Variants in PCDHGA5 observed in about 807,000 individuals in gnomAD.
PCDHGA5 encodes protocadherin gamma subfamily A, 5.
In PCDHGA5, 36 loss-of-function variants were observed where a neutral mutation model predicts 56.7. The observed-to-expected ratio is 0.64, with a 90% CI of 0.49 to 0.84. The LOEUF (loss-of-function observed/expected upper bound fraction) is 0.84, where lower values mean the gene tolerates loss of function less well. Ranked by LOEUF, PCDHGA5 falls within the 40% of genes least tolerant of loss-of-function variation. The probability of loss-of-function intolerance (pLI) is 0.00; values close to 1 mark genes in which losing one functional copy is unlikely to be tolerated. For synonymous variants in PCDHGA5, 563 were observed against 520.2 expected, an observed-to-expected ratio of 1.08 and a Z score of -1.12; for missense variants, 1,305 against 1,201.5, an observed-to-expected ratio of 1.09 and a Z score of -1.27.
chr5:141,450,278 G>C (rs977381598), intron 1 of PCDHGA5, among the ~76,000 whole-genome samples: 1 of 152,026 alleles, frequency 6.6e-6, no homozygotes, highest in African/African-American at 2.4e-5. Flanking sequence ...TCAGCTAAGT[G>C]CTGGGATTAC....
Position 141,511,656 on chromosome 5 carries a change from C to T in PCDHGA5, c.*483C>T, listed in dbSNP as rs2099883892. On this transcript the variant is annotated 3_prime_UTR_variant, in exon 4 of 4. Transcript: ENST00000518069. ...GGGCATCATGACCTCTTGGCCTCTC[C>T]TTTGATTCTCAATCTTCCCCCAAAG... is the stretch of plus-strand genomic sequence containing the variant. 4.9e-6 allele frequency: 1 copy of T among 206,024 alleles called. No individual in the cohort carries two copies. The highest frequency in any genetic ancestry group is 5.2e-5 in the Admixed American group (1 of 19,114). 12.8% of individuals were successfully genotyped at this position (206,024 alleles called of 1,614,324 possible).
At chr5:141,384,435 A>G in intron 1 of PCDHGA5, 1 of 1,614,008 alleles carries the variant, frequency 6.2e-7, no homozygotes, top group Non-Finnish European at 8.5e-7. Context: ...CTGACACTGG[A>G]GTCCTGTACG....
At chr5:141,380,946 C>A (rs555019785) in intron 1 of PCDHGA5, among the ~76,000 whole-genome samples, 2 of 152,328 alleles carry the variant, frequency 1.3e-5, no homozygotes, top group East Asian at 3.8e-4. Flanking sequence ...CTTGCCTCAA[C>A]AAGAAGTTCA....
At chr5:141,376,649 A>T in intron 1 of PCDHGA5, 1 of 978,990 alleles carries the variant, frequency 1.0e-6, no homozygotes, top group Non-Finnish European at 1.5e-6. Flanking sequence ...GTAAAGTGGA[A>T]GACTCCCTTG....
chr5:141,431,560 C>T lies in PCDHGA5; in HGVS notation c.2422-63247C>T, dbSNP rs751276470. On this transcript the variant is annotated intron_variant, in intron 1 of 3. Coordinates refer to ENST00000518069, the MANE Select transcript of PCDHGA5 (RefSeq NM_018918.3). This position sits in a 1 kb window ranked among gnomAD's most constrained non-coding sequence, Gnocchi z 4.8. ...CGCAGCTGCTTGTAGTCAACGCTAC[C>T]GACCCTGACGAAGGAGTCAATGCGG... The T allele has an allele frequency of 6.2e-7, 1 of 1,614,104 alleles. No individual in the cohort carries two copies. The highest frequency in any genetic ancestry group is 1.7e-5 in the Admixed American group (1 of 60,036).
At chr5:141,384,778 C>T (rs1206898496) in intron 1 of PCDHGA5, 6 of 1,613,608 alleles carry the variant, frequency 3.7e-6, no homozygotes, top group East Asian at 2.2e-5. Flanking sequence ...GGGCGAGGTG[C>T]GCACGGCTCG....
intron 1 of PCDHGA5, chr5:141,478,809 C>G: frequency 6.9e-7 from 1 of 1,453,454 alleles, no homozygotes; most frequent in Non-Finnish European, 9.0e-7. Flanking sequence ...CTTTTGCTAT[C>G]ACAACTAACC....
intron 1 of PCDHGA5, chr5:141,418,495 G>T (rs745982190): frequency 6.2e-7 from 1 of 1,613,974 alleles, no homozygotes; most frequent in South Asian, 1.1e-5. Context: ...ACTTGGTACT[G>T]ACCGCCTTAG....
At chr5:141,472,219 A>C (rs2099274667) in intron 1 of PCDHGA5, among the ~76,000 whole-genome samples, 1 of 152,210 alleles carries the variant, frequency 6.6e-6, no homozygotes, top group Non-Finnish European at 1.5e-5. Context: ...CTTACTCTCG[A>C]TCATATAATA....
chr5:141,410,239 T>C, intron 1 of PCDHGA5: 2 of 1,614,024 alleles, frequency 1.2e-6, no homozygotes, highest in Admixed American at 1.7e-5. Flanking sequence ...GCGACCGCCC[T>C]GTACTCTCTG....
intron 1 of PCDHGA5, among the ~76,000 whole-genome samples, chr5:141,397,541 C>G (rs1385892486): frequency 6.6e-6 from 1 of 152,014 alleles, no homozygotes; most frequent in Non-Finnish European, 1.5e-5. Context: ...TTTTTGAAAT[C>G]AGTATAGTAT....
intron 1 of PCDHGA5, among the ~76,000 whole-genome samples, chr5:141,467,702 C>T (rs2099149453): frequency 6.6e-6 from 1 of 152,086 alleles, no homozygotes; most frequent in South Asian, 2.1e-4. Context: ...GGCTCTGTTG[C>T]CCAGGCTGGA....
chr5:141,488,915 G>A (rs942297924), intron 1 of PCDHGA5, among the ~76,000 whole-genome samples: 12 of 152,180 alleles, frequency 7.9e-5, no homozygotes, highest in Non-Finnish European at 2.9e-5. Flanking sequence ...TGTTCCCAAG[G>A]TTTCCAGGAT....
Position 141,485,220 on chromosome 5 carries a change from C to T in PCDHGA5, c.2422-9587C>T. The T allele has an allele frequency of 6.2e-7, 1 of 1,614,192 alleles. No homozygotes were observed. The highest frequency in any genetic ancestry group is 8.5e-7 in the Non-Finnish European group (1 of 1,180,024). On this transcript the variant is annotated intron_variant, in intron 1 of 3. Transcript: ENST00000518069. This position sits in a 1 kb window ranked among gnomAD's most constrained non-coding sequence, Gnocchi z 5.7. ...TGGACAGAAATCTGGCGGTGGGCTA[C>T]CCTTTTGTTCCTCTTTTACCACCTG... is the stretch of plus-strand genomic sequence containing the variant.
At chr5:141,375,991 C>G in intron 1 of PCDHGA5, 1 of 1,613,448 alleles carries the variant, frequency 6.2e-7, no homozygotes, top group Non-Finnish European at 8.5e-7. Context: ...TGGACAGAGA[C>G]GCGCTCAAGC....
At chr5:141,370,245 C>G (rs1766766732) in intron 1 of PCDHGA5, 1 of 646,036 alleles carries the variant, frequency 1.5e-6, no homozygotes, top group Non-Finnish European at 2.5e-6. Context: ...GAAAAGTGCA[C>G]TCTCTATCAG....
rs1439795137 is a variant in PCDHGA5 at position 141,375,822 on chromosome 5, G to A, written c.2421+9071G>A. On this transcript the variant is annotated intron_variant, in intron 1 of 3. Coordinates refer to ENST00000518069, the MANE Select transcript of PCDHGA5 (RefSeq NM_018918.3). ...TCCACTGGCGTGGAGCTGGCGCCCC[G>A]CTCCGCAGAGCCCGGCTACCTGGTG... The A allele has an allele frequency of 3.1e-6, 5 of 1,614,024 alleles. No homozygotes were observed. The Admixed American group carries it at 6.7e-5, about 22-fold the overall frequency.
intron 1 of PCDHGA5, chr5:141,420,214 C>T: frequency 6.2e-7 from 1 of 1,611,064 alleles, no homozygotes; most frequent in Non-Finnish European, 8.5e-7. Context: ...ACAAAGATAG[C>T]ATGCTACTGG....
chr5:141,371,824 C>G, intron 1 of PCDHGA5: 1 of 1,613,844 alleles, frequency 6.2e-7, no homozygotes, highest in Non-Finnish European at 8.5e-7. Flanking sequence ...GTCAGAGCCT[C>G]GGATCCCGAC....
Sources: gnomAD v4.1 joint callset for allele counts (sites outside exome capture counted in the v4.1 genomes callset) on GRCh38, gnomAD v4.1.1 for gene constraint, Gnocchi (gnomAD v3.1) non-coding constraint, MANE v1.5 for transcripts, NCBI Gene and HGNC (gene_info 2026-07-23, HGNC 2026-07-21) for gene names.